Variants in ANKFN1 observed in about 807,000 individuals in gnomAD.
ANKFN1 encodes the protein ankyrin repeat and fibronectin type-III domain-containing protein 1.
ANKFN1 carries 74 observed loss-of-function variants against 108.7 expected under a neutral mutation model. The ratio of observed to expected loss-of-function variants is 0.68; its 90% CI spans 0.56 to 0.83. The LOEUF is 0.83. Among genes scored for constraint, ANKFN1 ranks in the 40% least tolerant of loss-of-function variants. ANKFN1 has a pLI of 0.00. For missense variants in ANKFN1, 1,505 were observed against 1,382.3 expected, an observed-to-expected ratio of 1.09 and a Z score of -1.41; for synonymous variants, 547 against 516.2, an observed-to-expected ratio of 1.06 and a Z score of -0.81.
At chr17:56,509,309 A>T (rs905240961) in intron 20 of ANKFN1, among the ~76,000 whole-genome samples, 1 of 152,216 alleles carries the variant, frequency 6.6e-6, no homozygotes, top group African/African-American at 2.4e-5. Flanking sequence ...ATGCAGACGT[A>T]ATGGTCTTCA....
intron 4 of ANKFN1, among the ~76,000 whole-genome samples, chr17:56,330,722 A>C (rs9303385): frequency 0.11 from 16,573 of 152,104 alleles, 1,781 homozygotes; most frequent in African/African-American, 0.28. Context: ...GTGGGATACT[A>C]TCTTACTTAC....
intron 18 of ANKFN1, among the ~76,000 whole-genome samples, chr17:56,486,228 T>C (rs1157611942): frequency 1.3e-5 from 2 of 152,230 alleles, no homozygotes; most frequent in African/African-American, 4.8e-5. Flanking sequence ...TGTTGCCATA[T>C]CATTGGTAAT....
intron 4 of ANKFN1, among the ~76,000 whole-genome samples, chr17:56,110,469 T>TA (rs1905899383): frequency 6.6e-6 from 1 of 152,200 alleles, no homozygotes; most frequent in African/African-American, 2.4e-5. Flanking sequence ...GACTAGTCGA[T>TA]TAGTGTCTGT....
chr17:56,185,637 T>A lies in ANKFN1; in HGVS notation c.-70-26961T>A, dbSNP rs541700080. ...TAACATGGCAAAGCAAACTGCTCCC[T>A]CCCACCACAGAGTTAAAAACAATGT... On this transcript the variant is annotated intron_variant, in intron 1 of 20. Transcript: ENST00000682825. Among the ~76,000 whole-genome samples, 58 of 152,246 alleles carry A rather than the reference T, an allele frequency of 3.8e-4. 1 individual carries two copies. The highest frequency in any genetic ancestry group is 1.4e-3 in the African/African-American group (57 of 41,546).
chr17:56,268,630 A>C (rs1260003378), intron 3 of ANKFN1, among the ~76,000 whole-genome samples: 2 of 152,210 alleles, frequency 1.3e-5, no homozygotes, highest in African/African-American at 4.8e-5. Flanking sequence ...CAAAAGACTA[A>C]CAAAATCAAA....
intron 8 of ANKFN1, among the ~76,000 whole-genome samples, chr17:56,404,164 A>G (rs2047847397): frequency 6.6e-6 from 1 of 152,052 alleles, no homozygotes; most frequent in East Asian, 1.9e-4. Flanking sequence ...TTTGTGATGA[A>G]TTTCCCAGGT....
rs181789453 is a variant in ANKFN1 at position 56,430,292 on chromosome 17, C to T, written c.911-10035C>T. 6.6e-5 allele frequency among the ~76,000 whole-genome samples: 10 copies of T among 152,076 alleles called. No individual in the cohort carries two copies. In the East Asian group the frequency reaches 1.9e-3, roughly 29 times the overall value. ...CAGAAAAAATAGTGCATGACTTCTC[C>T]TATATGTGGAATCTTTAATTTTTTA... On this transcript the variant is annotated intron_variant, in intron 8 of 20. Coordinates refer to ENST00000682825, the MANE Select transcript of ANKFN1 (RefSeq NM_001370326.1).
intron 4 of ANKFN1, among the ~76,000 whole-genome samples, chr17:56,078,698 G>A (rs1291637114): frequency 6.6e-6 from 1 of 152,104 alleles, no homozygotes; most frequent in East Asian, 1.9e-4. Flanking sequence ...CAGATACCCT[G>A]GGCAGGCATC....
intron 8 of ANKFN1, among the ~76,000 whole-genome samples, chr17:56,381,705 A>G (rs968235175): frequency 6.6e-6 from 1 of 152,228 alleles, no homozygotes; most frequent in Non-Finnish European, 1.5e-5. Context: ...GATGAAATGA[A>G]TGAAATGAAG....
chr17:56,440,764 G>A (rs1447238475), intron 9 of ANKFN1, among the ~76,000 whole-genome samples: 1 of 152,074 alleles, frequency 6.6e-6, no homozygotes, highest in African/African-American at 2.4e-5. Flanking sequence ...TTGACTCCCT[G>A]TCTGATGGTA....
chr17:56,128,234 CT>C (rs34450862), intron 4 of ANKFN1, among the ~76,000 whole-genome samples: 54,178 of 146,360 alleles, frequency 0.37, 10,028 homozygotes, highest in East Asian at 0.53. Context: ...GCCAATAGCC[CT>C]TTTTTTTTTT....
At chr17:56,131,973 C>T (rs553925710) in intron 4 of ANKFN1, among the ~76,000 whole-genome samples, 1 of 152,190 alleles carries the variant, frequency 6.6e-6, no homozygotes, top group Non-Finnish European at 1.5e-5. Flanking sequence ...ACTTAAGAAT[C>T]GAATCATATG....
chr17:56,432,245 A>G (rs2048782473), intron 8 of ANKFN1, among the ~76,000 whole-genome samples: 1 of 152,222 alleles, frequency 6.6e-6, no homozygotes, highest in African/African-American at 2.4e-5. Context: ...TAAACAAGTG[A>G]CGATCTATCT....
chr17:56,345,394 T>C (rs2046070342), intron 4 of ANKFN1, among the ~76,000 whole-genome samples: 1 of 152,196 alleles, frequency 6.6e-6, no homozygotes, highest in South Asian at 2.1e-4. Flanking sequence ...TTATAATCCT[T>C]TGGGTATATA....
rs2051868485 is a variant in ANKFN1 at position 56,514,783 on chromosome 17, C to T, written c.*3514C>T. Among the ~76,000 whole-genome samples the T allele has an allele frequency of 6.6e-6, 1 of 152,160 alleles. No individual in the cohort carries two copies. Among genetic ancestry groups the T allele is most frequent in the African/African-American group, 2.4e-5 (1 of 41,442 alleles). On this transcript the variant is annotated 3_prime_UTR_variant, in exon 21 of 21. Transcript: ENST00000682825. ...CAAAGCACTTTATGAAAAGCAATGA[C>T]TGAAGCCTTGTTGTACTCCCCTAAA...
In ANKFN1 at chr17:56,161,460, C is replaced by T. The variant is rs550252385; in HGVS notation, c.-71+7930C>T. ...ACAGTAGGTACTCAATAAATACTTC[C>T]TGATTTAAAAATTCTAGGTTTAAAT... On this transcript the variant is annotated intron_variant, in intron 1 of 20. Transcript: ENST00000682825. 3.9e-5 allele frequency among the ~76,000 whole-genome samples: 6 copies of T among 152,096 alleles called. 1 individual carries two copies. Among genetic ancestry groups the T allele is most frequent in the Non-Finnish European group, 7.4e-5 (5 of 68,016 alleles).
upstream of ANKFN1, among the ~76,000 whole-genome samples, chr17:56,150,003 T>C (rs552213246): frequency 2.6e-4 from 39 of 152,386 alleles, no homozygotes; most frequent in Admixed American, 6.5e-4. Context: ...ATCAGTTCAC[T>C]GGATCACCCT....
Position 56,511,109 on chromosome 17 carries a change from C to G in ANKFN1, c.3281C>G (p.Pro1094Arg). 1 of 1,535,990 alleles carries G rather than the reference C, an allele frequency of 6.5e-7. No individual in the cohort carries two copies. Among genetic ancestry groups the G allele is most frequent in the Non-Finnish European group, 8.7e-7 (1 of 1,146,838 alleles). Residue 1094 changes from proline to arginine, a missense_variant, in exon 21 of 21, where the codon CCC becomes CGC. Transcript: ENST00000682825. ...RPSVRRLYVE[P>R]YAAAVVAQDE... is the part of the protein sequence containing the mutation. ...TCCGTCCGCCGCCTCTACGTGGAGCCCTACGCAGCGGCCGTGGTGGCCCAG... is the reference window on the plus strand; with the variant it reads ...TCCGTCCGCCGCCTCTACGTGGAGCGCTACGCAGCGGCCGTGGTGGCCCAG...
chr17:56,446,885 A>G (rs1317372459), intron 10 of ANKFN1, among the ~76,000 whole-genome samples: 1 of 152,168 alleles, frequency 6.6e-6, no homozygotes, highest in Non-Finnish European at 1.5e-5. Flanking sequence ...AGCCTAGGCA[A>G]CAGAATGAGA....
Sources: allele counts gnomAD v4.1 joint callset (sites outside exome capture counted in the v4.1 genomes callset), GRCh38; gene constraint gnomAD v4.1.1; transcripts MANE v1.5; gene names NCBI Gene and HGNC (gene_info 2026-07-23, HGNC 2026-07-21).